The following UBQLN2 variants were observed in gnomAD, a reference collection of about 807,000 sequenced individuals.
UBQLN2 encodes ubiquilin-2.
Under a neutral mutation model 22.2 loss-of-function variants are expected in UBQLN2, and 2 were observed. The ratio of observed to expected loss-of-function variants is 0.09; its 90% confidence interval spans 0.04 to 0.28. The LOEUF (loss-of-function observed/expected upper bound fraction) is 0.28, where lower values mean the gene tolerates loss of function less well. Among genes scored for constraint, UBQLN2 ranks in the 10% least tolerant of loss-of-function variants. The probability of loss-of-function intolerance (pLI) is 1.00; values close to 1 mark genes in which losing one functional copy is unlikely to be tolerated. For missense variants in UBQLN2, 446 were observed against 505.1 expected, an observed-to-expected ratio of 0.88 and a Z score of 1.12; for synonymous variants, 252 against 206.7, an observed-to-expected ratio of 1.22 and a Z score of -1.88.
In UBQLN2 at chrX:56,566,130, C is replaced by G. The variant is rs769783661; in HGVS notation, c.*382C>G. On this transcript the variant is annotated 3_prime_UTR_variant, in exon 1 of 1. Coordinates refer to ENST00000338222, the MANE Select transcript of UBQLN2 (RefSeq NM_013444.4). ...TATTGTGATTTTTGGAAACAGGTAT[C>G]AACCTTCACAGTTGGGTGAACAAGT... 6 of 226,319 alleles carry G rather than the reference C, an allele frequency of 2.7e-5. No homozygotes were observed. The East Asian group carries it at 5.6e-4, about 21-fold the overall frequency. The allele number at this position is 226,319 out of a possible 1,213,427, so 18.7% of individuals were successfully genotyped here. A position where few individuals can be genotyped will look rare whatever the true frequency, so the allele number is the denominator to read the frequency against.
chrX:56,565,701 G>T lies in UBQLN2; in HGVS notation c.1828G>T (p.Asp610Tyr). Residue 610 changes from aspartate (D) to tyrosine (Y), a missense_variant, in exon 1 of 1, where the codon GAC becomes TAC. By Grantham distance (160) the Asp-to-Tyr change is radical (BLOSUM62 -3). This residue lies in a region of UBQLN2 where 278 missense variants were observed against 279.4 expected (regional missense o/e 1.00). Coordinates refer to ENST00000338222, the MANE Select transcript of UBQLN2 (RefSeq NM_013444.4). ...NLQALIATGG[D>Y]INAAIERLLG... is the part of the protein sequence containing the mutation. Reference sequence around the variant, plus strand: ...GCAGGCCCTAATAGCAACAGGAGGCGACATCAATGCAGCCATTGAAAGGCT... The same window carrying T: ...GCAGGCCCTAATAGCAACAGGAGGCTACATCAATGCAGCCATTGAAAGGCT... 8.3e-7 allele frequency: 1 copy of T among 1,211,039 alleles called. No individual in the cohort carries two copies. Among genetic ancestry groups the T allele is most frequent in the Non-Finnish European group, 1.1e-6 (1 of 895,031 alleles).
In UBQLN2 at chrX:56,564,923, T is replaced by A. The variant is rs1197084465; in HGVS notation, c.1050T>A (p.Thr350=). The A allele has an allele frequency of 8.3e-7, 1 of 1,211,299 alleles. No individual in the cohort carries two copies. The highest frequency in any genetic ancestry group is 2.2e-5 in the Admixed American group (1 of 46,029). ...SGSGNSSSNA[T]GNTVAAANYV... Reference sequence around the variant, plus strand: ...CTGGCAATAGTTCCAGCAATGCTACTGGGAACACCGTTGCTGCCGCTAATT... The same window carrying A: ...CTGGCAATAGTTCCAGCAATGCTACAGGGAACACCGTTGCTGCCGCTAATT... Residue 350 remains threonine, a synonymous_variant, in exon 1 of 1, where the codon ACT becomes ACA. Transcript: ENST00000338222.
In UBQLN2 at chrX:56,564,403, C is replaced by T. The variant is rs1465089436; in HGVS notation, c.530C>T (p.Ala177Val). The T allele has an allele frequency of 1.7e-6, 2 of 1,209,889 alleles. No homozygotes were observed. The highest frequency in any genetic ancestry group is 2.2e-6 in the Non-Finnish European group (2 of 895,242). The change falls in exon 1 of 1, where the codon GCC becomes GTC. Residue 177 changes from alanine (A) to valine (V), a missense_variant. Around this residue, in one of 3 missense-constraint regions of UBQLN2, gnomAD observed 129 missense variants for 198.1 expected, o/e 0.65. Coordinates refer to ENST00000338222, the MANE Select transcript of UBQLN2 (RefSeq NM_013444.4). ...LQSQMQQQLM[A>V]SPEMMIQIME... ...AGCCAGATGCAGCAGCAGCTTATGG[C>T]CAGCCCTGAGATGATGATCCAAATA...
In UBQLN2 at chrX:56,564,809, T is replaced by C; in HGVS notation, c.936T>C (p.Asn312=). 8.3e-7 allele frequency: 1 copy of C among 1,210,708 alleles called. No individual in the cohort carries two copies. Among genetic ancestry groups the C allele is most frequent in the Non-Finnish European group, 1.1e-6 (1 of 895,291 alleles). ...GTACGCAGCCTTCCCGCACAGAAAA[T>C]CGCGATCCACTACCCAATCCATGGG... The part of the protein sequence containing the change: ...GEGTQPSRTE[N]RDPLPNPWAP... Residue 312 remains asparagine (N), a synonymous_variant, in exon 1 of 1, where the codon AAT becomes AAC. Transcript: ENST00000338222.
At position 56,564,144 on chromosome X, in the gene UBQLN2, G is replaced by T; in HGVS notation, c.271G>T (p.Gly91Cys). Residue 91 changes from glycine to cysteine, a missense_variant, in exon 1 of 1, where the codon GGC (glycine) becomes TGC (cysteine). By Grantham distance (159) the Gly-to-Cys change is radical. This residue lies in a region of UBQLN2 where 129 missense variants were observed against 198.1 expected (regional missense o/e 0.65). Coordinates refer to ENST00000338222, the MANE Select transcript of UBQLN2 (RefSeq NM_013444.4). ...LKDQDTLIQH[G>C]IHDGLTVHLV... ...AGATCAAGATACCTTGATCCAGCAT[G>T]GCATCCATGATGGGCTGACTGTTCA... The T allele has an allele frequency of 8.3e-7, 1 of 1,211,687 alleles. No homozygotes were observed. The highest frequency in any genetic ancestry group is 1.8e-5 in the South Asian group (1 of 56,982).
Position 56,565,766 on chromosome X carries a change from GA to G in UBQLN2, c.*26del, listed in dbSNP as rs745344524. 70 of 1,163,590 alleles carry G rather than the reference GA, an allele frequency of 6.0e-5. No homozygotes were observed. In the African/African-American group the frequency reaches 7.8e-4, roughly 13 times the overall value. On this transcript the variant is annotated 3_prime_UTR_variant, in exon 1 of 1. Transcript: ENST00000338222. ...CATCGTAATCACATTTCTGTACCTG[GA>G]AAAAAAATGTATCTTATTTTTGATA...
Position 56,565,318 on chromosome X carries a change from T to C in UBQLN2, c.1445T>C (p.Val482Ala). 1.7e-6 allele frequency: 2 copies of C among 1,210,270 alleles called. No individual in the cohort carries two copies. The highest frequency in any genetic ancestry group is 3.5e-5 in the African/African-American group (2 of 57,698). Reference protein sequence around the residue: ...LIPSFTPGVGVGVLGTAIGPV... With the variant: ...LIPSFTPGVGAGVLGTAIGPV... ...CCGAGCTTCACTCCAGGTGTGGGGG[T>C]GGGGGTGCTGGGAACCGCTATAGGC... Residue 482 changes from valine (V) to alanine (A), a missense_variant, in exon 1 of 1, where the codon GTG (valine) becomes GCG (alanine). Coordinates refer to ENST00000338222, the MANE Select transcript of UBQLN2 (RefSeq NM_013444.4).
chrX:56,563,769 C>A lies in UBQLN2; in HGVS notation c.-105C>A. 2 of 635,375 alleles carry A rather than the reference C, an allele frequency of 3.1e-6. No individual in the cohort carries two copies. Among genetic ancestry groups the A allele is most frequent in the East Asian group, 3.4e-5 (1 of 29,222 alleles). 52.4% of individuals were successfully genotyped at this position (635,375 alleles called of 1,213,427 possible). A position where few individuals can be genotyped will look rare whatever the true frequency, so the allele number is the denominator to read the frequency against. On this transcript the variant is annotated 5_prime_UTR_variant, in exon 1 of 1. Coordinates refer to ENST00000338222, the MANE Select transcript of UBQLN2 (RefSeq NM_013444.4). The stretch of plus-strand genomic sequence containing the variant: ...CCGTGCTCCGCGCTCCCCGCCTGAC[C>A]CGGCCCAGCCCGCTGCGGCGGTGCC...
Position 56,567,593 on chromosome X carries a change from A to C in UBQLN2, c.*1845A>C, listed in dbSNP as rs2068648755. On this transcript the variant is annotated 3_prime_UTR_variant, in exon 1 of 1. Transcript: ENST00000338222. ...ATACAGACATACAGGGAACACGTTG[A>C]TACTGCTTATTGGAGCTTTTAATAT... 8.1e-6 allele frequency: 1 copy of C among 122,811 alleles called. No individual in the cohort carries two copies. Among genetic ancestry groups the C allele is most frequent in the Non-Finnish European group, 1.9e-5 (1 of 53,104 alleles). 10.1% of individuals were successfully genotyped at this position (122,811 alleles called of 1,213,427 possible). A position where few individuals can be genotyped will look rare whatever the true frequency, so the allele number is the denominator to read the frequency against.
In UBQLN2 at chrX:56,564,346, G is replaced by A; in HGVS notation, c.473G>A (p.Gly158Asp). ...LGGLAGLSSL[G>D]LSSTNFSELQ... Reference sequence around the variant, plus strand: ...GGACTTGCAGGCCTTAGCAGCCTGGGCTTGAGCTCGACCAACTTCTCTGAG... The same window carrying A: ...GGACTTGCAGGCCTTAGCAGCCTGGACTTGAGCTCGACCAACTTCTCTGAG... The change falls in exon 1 of 1, where the codon GGC (glycine) becomes GAC (aspartate). Residue 158 changes from glycine to aspartate, a missense_variant. This residue lies in a region of UBQLN2 where 129 missense variants were observed against 198.1 expected (regional missense o/e 0.65). Coordinates refer to ENST00000338222, the MANE Select transcript of UBQLN2 (RefSeq NM_013444.4). The A allele has an allele frequency of 1.7e-6, 2 of 1,211,697 alleles. No individual in the cohort carries two copies. The highest frequency in any genetic ancestry group is 2.2e-6 in the Non-Finnish European group (2 of 895,499).
Position 56,566,011 on chromosome X carries a change from C to T in UBQLN2, c.*263C>T. ...CTTTGTTTCCTTCCTTCCTTATTTCCTTTAGTTTCCTTCCTTAGCCGTTTT... is the reference window on the plus strand; with the variant it reads ...CTTTGTTTCCTTCCTTCCTTATTTCTTTTAGTTTCCTTCCTTAGCCGTTTT... On this transcript the variant is annotated 3_prime_UTR_variant, in exon 1 of 1. Coordinates refer to ENST00000338222, the MANE Select transcript of UBQLN2 (RefSeq NM_013444.4). The T allele has an allele frequency of 2.4e-6, 1 of 417,761 alleles. No homozygotes were observed. The highest frequency in any genetic ancestry group is 4.1e-5 in the East Asian group (1 of 24,275). The allele number at this position is 417,761 out of a possible 1,213,427, so 34.4% of individuals were successfully genotyped here. A position where few individuals can be genotyped will look rare whatever the true frequency, so the allele number is the denominator to read the frequency against.
In UBQLN2 at chrX:56,565,706, C is replaced by T; in HGVS notation, c.1833C>T (p.Ile611=). Residue 611 remains isoleucine (I), a synonymous_variant, in exon 1 of 1, where the codon ATC becomes ATT. Transcript: ENST00000338222. ...CCCTAATAGCAACAGGAGGCGACAT[C>T]AATGCAGCCATTGAAAGGCTGCTGG... ...LQALIATGGD[I]NAAIERLLGS... is the part of the protein sequence containing the mutation. 8.3e-7 allele frequency: 1 copy of T among 1,210,959 alleles called. No individual in the cohort carries two copies. The highest frequency in any genetic ancestry group is 1.8e-5 in the South Asian group (1 of 56,849).
chrX:56,564,917 TGC>T lies in UBQLN2; in HGVS notation c.1045_1046del (p.Ala349TyrfsTer9). 1 of 1,211,029 alleles carries T rather than the reference TGC, an allele frequency of 8.3e-7. No homozygotes were observed. ...GTGGGTCTGGCAATAGTTCCAGCAATGCTACTGGGAACACCGTTGCTGCCGCT... is the reference window on the plus strand; with the variant it reads ...GTGGGTCTGGCAATAGTTCCAGCAATTACTGGGAACACCGTTGCTGCCGCT... Reference protein sequence around the residue: ...GSGSGNSSSNATGNTVAAANY... With the variant: ...GSGSGNSSSNXTGNTVAAANY... On this transcript the variant is annotated frameshift_variant, in exon 1 of 1. Transcript: ENST00000338222. LOFTEE classifies it high-confidence loss of function.
At position 56,565,443 on chromosome X, in the gene UBQLN2, C is replaced by T. The variant is rs1157002061; in HGVS notation, c.1570C>T (p.Pro524Ser). 2.5e-6 allele frequency: 3 copies of T among 1,193,796 alleles called. No individual in the cohort carries two copies. The African/African-American group carries it at 5.3e-5, about 21-fold the overall frequency. Residue 524 changes from proline to serine, a missense_variant, in exon 1 of 1, where the codon CCC (proline) becomes TCC (serine). Pro to Ser is a moderately conservative substitution (Grantham distance 74, BLOSUM62 -1). Transcript: ENST00000338222. ...CATAGGACCCACTGGCCCTGCAGCC[C>T]CCCCTGGCTCCACCGGCTCTGGTGG... ...GPIGPTGPAA[P>S]PGSTGSGGPT...
rs1191037742 is a variant in UBQLN2 at position 56,567,409 on chromosome X, A to G, written c.*1661A>G. The G allele has an allele frequency of 1.6e-5, 2 of 123,000 alleles. No individual in the cohort carries two copies. The highest frequency in any genetic ancestry group is 6.5e-5 in the African/African-American group (2 of 30,767). The allele number at this position is 123,000 out of a possible 1,213,427, so 10.1% of individuals were successfully genotyped here. ...ATTCTTCCCCCAAAAATATATTGAGAATTTGGTTGGGATTCTCTTAAATTG... is the reference window on the plus strand; with the variant it reads ...ATTCTTCCCCCAAAAATATATTGAGGATTTGGTTGGGATTCTCTTAAATTG... On this transcript the variant is annotated 3_prime_UTR_variant, in exon 1 of 1. Transcript: ENST00000338222.
rs775018456 is a variant in UBQLN2, at chrX:56,564,539, T to G, written c.666T>G (p.Ser222Arg). 1 of 1,211,568 alleles carries G rather than the reference T, an allele frequency of 8.3e-7. No homozygotes were observed. The part of the protein sequence containing the change: ...QQLIQRNPEI[S>R]HLLNNPDIMR... ...TGATTCAGAGAAACCCAGAAATCAG[T>G]CACCTGCTCAACAACCCAGACATAA... Residue 222 changes from serine (S) to arginine (R), a missense_variant, in exon 1 of 1, where the codon AGT becomes AGG. Transcript: ENST00000338222.
Position 56,564,098 on chromosome X carries a change from T to A in UBQLN2, c.225T>A (p.Ile75=), listed in dbSNP as rs2068629327. ...FKSQTDQLVL[I]FAGKILKDQD... Reference sequence around the variant, plus strand: ...CCCAAACCGATCAGCTAGTGCTGATTTTTGCCGGAAAAATCTTAAAAGATC... The same window carrying A: ...CCCAAACCGATCAGCTAGTGCTGATATTTGCCGGAAAAATCTTAAAAGATC... Residue 75 remains isoleucine (I), a synonymous_variant, in exon 1 of 1, where the codon ATT becomes ATA. Coordinates refer to ENST00000338222, the MANE Select transcript of UBQLN2 (RefSeq NM_013444.4). The A allele has an allele frequency of 8.3e-7, 1 of 1,208,435 alleles. No individual in the cohort carries two copies. Among genetic ancestry groups the A allele is most frequent in the African/African-American group, 1.7e-5 (1 of 57,147 alleles).
In UBQLN2 at chrX:56,565,404, G is replaced by A; in HGVS notation, c.1531G>A (p.Gly511Ser). Residue 511 changes from glycine to serine, a missense_variant, in exon 1 of 1, where the codon GGC becomes AGC. Transcript: ENST00000338222. ...CCCTATAGTCCCTTTTACCCCCATAGGCCCCATTGGGCCCATAGGACCCAC... is the reference window on the plus strand; with the variant it reads ...CCCTATAGTCCCTTTTACCCCCATAAGCCCCATTGGGCCCATAGGACCCAC... ...IGPIVPFTPI[G>S]PIGPIGPTGP... 2 of 1,193,760 alleles carry A rather than the reference G, an allele frequency of 1.7e-6. No individual in the cohort carries two copies. Among genetic ancestry groups the A allele is most frequent in the Non-Finnish European group, 2.3e-6 (2 of 885,916 alleles).
Position 56,566,101 on chromosome X carries a change from C to T in UBQLN2, c.*353C>T. The T allele has an allele frequency of 3.8e-6, 1 of 264,350 alleles. No homozygotes were observed. The highest frequency in any genetic ancestry group is 8.4e-5 in the East Asian group (1 of 11,926). The allele number at this position is 264,350 out of a possible 1,213,427, so 21.8% of individuals were successfully genotyped here. On this transcript the variant is annotated 3_prime_UTR_variant, in exon 1 of 1. Coordinates refer to ENST00000338222, the MANE Select transcript of UBQLN2 (RefSeq NM_013444.4). The stretch of plus-strand genomic sequence containing the variant: ...CATGCAAACACTTCTCTTTATTCTG[C>T]ATTTATTGTGATTTTTGGAAACAGG...
Sources: gnomAD v4.1 joint callset for allele counts on GRCh38, gnomAD v4.1.1 for gene constraint, gnomAD v4.1.1 regional missense constraint, MANE v1.5 for transcripts, NCBI Gene and HGNC (gene_info 2026-07-23, HGNC 2026-07-21) for gene names.